GALNT18: variants seen among roughly 807,000 people sequenced by gnomAD.
GALNT18 encodes GalNAc-transferase 18.
A neutral mutation model predicts 69.5 loss-of-function variants in GALNT18; 44 were observed. That is an observed-to-expected ratio of 0.63 (90% CI 0.50 to 0.81). The LOEUF (loss-of-function observed/expected upper bound fraction) is 0.81. Among genes scored for constraint, GALNT18 ranks in the 40% least tolerant of loss-of-function variants. The pLI, the probability that GALNT18 is intolerant of heterozygous loss-of-function variation, is 0.00. For synonymous variants in GALNT18, 364 were observed against 318.2 expected, an observed-to-expected ratio of 1.14 and a Z score of -1.53; for missense variants, 715 against 810.0, an observed-to-expected ratio of 0.88 and a Z score of 1.42.
rs184120781 is a variant in GALNT18, at chr11:11,435,416, A to G, written c.429-2629T>C. ...ACGCAGAATGAAATGCTGTATTTGT[A>G]TAATAAGCTAAGCCCTGCTGATCAC... is the stretch of plus-strand genomic sequence containing the variant. On this transcript the variant is annotated intron_variant, in intron 2 of 10. Coordinates refer to ENST00000227756, the MANE Select transcript of GALNT18 (RefSeq NM_198516.3). The surrounding 1 kb of genome is among the most constrained non-coding windows in gnomAD (Gnocchi z 4.4). Among the ~76,000 whole-genome samples, 251 of 152,344 alleles carry G rather than the reference A, an allele frequency of 1.6e-3. 1 individual carries two copies. Among genetic ancestry groups the G allele is most frequent in the African/African-American group, 5.6e-3 (234 of 41,580 alleles).
chr11:11,323,287 C>A (rs1849866848), intron 9 of GALNT18, among the ~76,000 whole-genome samples: 1 of 152,228 alleles, frequency 6.6e-6, no homozygotes, highest in African/African-American at 2.4e-5. Context: ...GGCAAAATTT[C>A]TCTTCGAATG....
At position 11,543,709 on chromosome 11, in the gene GALNT18, T is replaced by C. The variant is rs146421969; in HGVS notation, c.235+77650A>G. On this transcript the variant is annotated intron_variant, in intron 1 of 10. Transcript: ENST00000227756. The surrounding 1 kb of genome is among the most constrained non-coding windows in gnomAD (Gnocchi z 5.1). The stretch of plus-strand genomic sequence containing the variant: ...CATCCATCCCTAGGACCTAGGCTTT[T>C]ACAACTGCAAAGTGAGGGGCCAGCT... 5.9e-3 allele frequency among the ~76,000 whole-genome samples: 893 copies of C among 152,308 alleles called. 6 individuals carry two copies. Among genetic ancestry groups the C allele is most frequent in the Middle Eastern group, 0.024 (7 of 294 alleles).
At position 11,541,985 on chromosome 11, in the gene GALNT18, A is replaced by G. The variant is rs1036477928; in HGVS notation, c.235+79374T>C. ...CAAACCCAGGAGGAGCTTCACCCCC[A>G]CCCTTCAGAAGACCCCAGAGACCCC... On this transcript the variant is annotated intron_variant, in intron 1 of 10. Coordinates refer to ENST00000227756, the MANE Select transcript of GALNT18 (RefSeq NM_198516.3). This position sits in a 1 kb window ranked among gnomAD's most constrained non-coding sequence, Gnocchi z 4.8. Among the ~76,000 whole-genome samples the G allele has an allele frequency of 2.0e-5, 3 of 151,780 alleles. No homozygotes were observed. Among genetic ancestry groups the G allele is most frequent in the African/African-American group, 4.8e-5 (2 of 41,284 alleles).
At position 11,420,221 on chromosome 11, in the gene GALNT18, G is replaced by A. The variant is rs565987751; in HGVS notation, c.595+12400C>T. Among the ~76,000 whole-genome samples the A allele has an allele frequency of 5.9e-5, 9 of 152,176 alleles. No individual in the cohort carries two copies. The South Asian group carries it at 1.7e-3, about 28-fold the overall frequency. On this transcript the variant is annotated intron_variant, in intron 3 of 10. Transcript: ENST00000227756. ...AGATTTCTGTTGCTATGCAGCACAGGGGAGCCCATACCTGCTGTGGGACCC... is the reference window on the plus strand; with the variant it reads ...AGATTTCTGTTGCTATGCAGCACAGAGGAGCCCATACCTGCTGTGGGACCC...
At chr11:11,487,216 G>A (rs1856663109) in intron 1 of GALNT18, among the ~76,000 whole-genome samples, 1 of 152,042 alleles carries the variant, frequency 6.6e-6, no homozygotes, top group Non-Finnish European at 1.5e-5. Context: ...ATTTTATGTT[G>A]CATCAAGGCA....
intron 3 of GALNT18, among the ~76,000 whole-genome samples, chr11:11,385,373 G>A (rs1854025977): frequency 1.3e-5 from 2 of 150,980 alleles, no homozygotes; most frequent in East Asian, 1.9e-4. Flanking sequence ...TCGGCTCACT[G>A]CAAGCTCCGC....
intron 1 of GALNT18, among the ~76,000 whole-genome samples, chr11:11,504,540 T>C (rs909520498): frequency 2.0e-5 from 3 of 152,048 alleles, no homozygotes; most frequent in Non-Finnish European, 4.4e-5. Context: ...GTGGATTGCT[T>C]GAGCTCAGGA....
In GALNT18 at chr11:11,320,149, G is replaced by T. The variant is rs541339852; in HGVS notation, c.1512+6937C>A. Among the ~76,000 whole-genome samples the T allele has an allele frequency of 6.6e-6, 1 of 152,234 alleles. No homozygotes were observed. Among genetic ancestry groups the T allele is most frequent in the South Asian group, 2.1e-4 (1 of 4,816 alleles). Reference sequence around the variant, plus strand: ...GCTGGGATTTGAACCCATATAGTCTGGTTCTTAATCACTATATATTGCCTC... The same window carrying T: ...GCTGGGATTTGAACCCATATAGTCTTGTTCTTAATCACTATATATTGCCTC... On this transcript the variant is annotated intron_variant, in intron 9 of 10. Transcript: ENST00000227756. The surrounding 1 kb of genome is among the most constrained non-coding windows in gnomAD (Gnocchi z 4.9).
chr11:11,379,633 C>T (rs1249256142), intron 3 of GALNT18, among the ~76,000 whole-genome samples: 1 of 152,286 alleles, frequency 6.6e-6, no homozygotes, highest in African/African-American at 2.4e-5. Context: ...TCAAACCAGG[C>T]CTAGTGACCT....
At chr11:11,370,412 GA>G (rs1048618895) in intron 6 of GALNT18, among the ~76,000 whole-genome samples, 4 of 152,182 alleles carry the variant, frequency 2.6e-5, no homozygotes, top group African/African-American at 9.6e-5. Context: ...CTGTTTTGCT[GA>G]CGATCAGTGG....
chr11:11,402,614 T>C lies in GALNT18; in HGVS notation c.596-23350A>G, dbSNP rs1449898536. Among the ~76,000 whole-genome samples, 1 of 152,182 alleles carries C rather than the reference T, an allele frequency of 6.6e-6. No individual in the cohort carries two copies. The highest frequency in any genetic ancestry group is 1.5e-5 in the Non-Finnish European group (1 of 68,038). Reference sequence around the variant, plus strand: ...GGATTGCACATGGCATGGCTTTCTGTCCTCAAACTTCATTATCTCAAGGCA... The same window carrying C: ...GGATTGCACATGGCATGGCTTTCTGCCCTCAAACTTCATTATCTCAAGGCA... On this transcript the variant is annotated intron_variant, in intron 3 of 10. Coordinates refer to ENST00000227756, the MANE Select transcript of GALNT18 (RefSeq NM_198516.3). This position sits in a 1 kb window ranked among gnomAD's most constrained non-coding sequence, Gnocchi z 4.0.
chr11:11,422,579 C>G (rs1245135676), intron 3 of GALNT18, among the ~76,000 whole-genome samples: 1 of 151,878 alleles, frequency 6.6e-6, no homozygotes, highest in Non-Finnish European at 1.5e-5. Context: ...CTCCATAAAG[C>G]ACAATACTGT....
rs1416131640 is a variant in GALNT18 at position 11,601,524 on chromosome 11, G to C, written c.235+19835C>G. On this transcript the variant is annotated intron_variant, in intron 1 of 10. Transcript: ENST00000227756. This position sits in a 1 kb window ranked among gnomAD's most constrained non-coding sequence, Gnocchi z 4.0. ...TGCCCGATTGGTTTCACCTCCAGCT[G>C]TTAGCCTCCACTAGTTGCTACCTGA... 6.6e-6 allele frequency among the ~76,000 whole-genome samples: 1 copy of C among 152,212 alleles called. No homozygotes were observed. Among genetic ancestry groups the C allele is most frequent in the Non-Finnish European group, 1.5e-5 (1 of 68,042 alleles).
rs1183671955 is a variant in GALNT18, at chr11:11,379,077, T to C, written c.779+4A>G. 1.3e-6 allele frequency: 2 copies of C among 1,587,954 alleles called. No individual in the cohort carries two copies. Among genetic ancestry groups the C allele is most frequent in the East Asian group, 4.5e-5 (2 of 44,632 alleles). ...CTCCTCCTCCTCTCCCAAGGGGCAC[T>C]TACCAGCCCACATTGAACTCCACGT... On this transcript the variant is annotated splice_donor_region_variant and intron_variant, in intron 4 of 10. Transcript: ENST00000227756.
rs1857974058 is a variant in GALNT18, at chr11:11,543,542, A to T, written c.235+77817T>A. Reference sequence around the variant, plus strand: ...GACACCATTCACCAAGTGCTGCTGGAGTCTTTCCCACAGCATGCCAGGGGC... The same window carrying T: ...GACACCATTCACCAAGTGCTGCTGGTGTCTTTCCCACAGCATGCCAGGGGC... On this transcript the variant is annotated intron_variant, in intron 1 of 10. Coordinates refer to ENST00000227756, the MANE Select transcript of GALNT18 (RefSeq NM_198516.3). This position sits in a 1 kb window ranked among gnomAD's most constrained non-coding sequence, Gnocchi z 5.1. Among the ~76,000 whole-genome samples, 2 of 152,096 alleles carry T rather than the reference A, an allele frequency of 1.3e-5. No homozygotes were observed. Among genetic ancestry groups the T allele is most frequent in the African/African-American group, 4.8e-5 (2 of 41,502 alleles).
Position 11,430,988 on chromosome 11 carries a change from A to G in GALNT18, c.595+1633T>C, listed in dbSNP as rs1278082713. Among the ~76,000 whole-genome samples the G allele has an allele frequency of 6.6e-6, 1 of 152,258 alleles. No homozygotes were observed. The highest frequency in any genetic ancestry group is 1.5e-5 in the Non-Finnish European group (1 of 68,046). ...GAGTTCAAACTCTTTAAGTTCAAAT[A>G]GGAAATCCTCTATATCTGATTCACT... On this transcript the variant is annotated intron_variant, in intron 3 of 10. Coordinates refer to ENST00000227756, the MANE Select transcript of GALNT18 (RefSeq NM_198516.3). The surrounding 1 kb of genome is among the most constrained non-coding windows in gnomAD (Gnocchi z 4.9).
rs2133791787 is a variant in GALNT18, at chr11:11,430,889, C to T, written c.595+1732G>A. 1.3e-5 allele frequency among the ~76,000 whole-genome samples: 2 copies of T among 152,310 alleles called. No individual in the cohort carries two copies. The highest frequency in any genetic ancestry group is 4.1e-4 in the South Asian group (2 of 4,822). On this transcript the variant is annotated intron_variant, in intron 3 of 10. Transcript: ENST00000227756. This position sits in a 1 kb window ranked among gnomAD's most constrained non-coding sequence, Gnocchi z 4.9. ...CAATATAATAAAGCATGACCAAATT[C>T]CTCCATTGCCCAACTCTGACCCCAT...
chr11:11,372,334 T>C lies in GALNT18; in HGVS notation c.1092+181A>G, dbSNP rs975791011. 2.0e-5 allele frequency among the ~76,000 whole-genome samples: 3 copies of C among 152,196 alleles called. No individual in the cohort carries two copies. Among genetic ancestry groups the C allele is most frequent in the Non-Finnish European group, 4.4e-5 (3 of 68,036 alleles). ...CCAAGCTGGTTCTGAAGTCCTCTTC[T>C]TCCTGAAAAGTCAAGAGGCTCCACC... On this transcript the variant is annotated intron_variant, in intron 6 of 10. Transcript: ENST00000227756. The surrounding 1 kb of genome is among the most constrained non-coding windows in gnomAD (Gnocchi z 4.9).
At chr11:11,487,258 G>T (rs1209137976) in intron 1 of GALNT18, among the ~76,000 whole-genome samples, 1 of 152,160 alleles carries the variant, frequency 6.6e-6, no homozygotes, top group Non-Finnish European at 1.5e-5. Context: ...TGGGGGCTCA[G>T]GGAGAAAGGG....
Sources: allele counts gnomAD v4.1 joint callset (sites outside exome capture counted in the v4.1 genomes callset), GRCh38; gene constraint gnomAD v4.1.1; non-coding constraint Gnocchi (gnomAD v3.1); transcripts MANE v1.5; gene names NCBI Gene and HGNC (gene_info 2026-07-23, HGNC 2026-07-21).